Variants in CSMD2 observed in about 807,000 individuals in gnomAD.
CSMD2 encodes the protein CUB and sushi domain-containing protein 2.
In CSMD2, 130 loss-of-function variants were observed where a neutral mutation model predicts 398.5. That is an observed-to-expected ratio of 0.33 (90% CI 0.28 to 0.38). CSMD2 has a LOEUF of 0.38. CSMD2 is among the 10% of genes least tolerant of loss of function. CSMD2 has a pLI of 1.00. For missense variants in CSMD2, 3,829 were observed against 4,764.9 expected (o/e 0.80, Z 5.78); for synonymous variants, 1,828 against 1,908.5 (o/e 0.96, Z 1.10).
At chr1:34,080,146 G>A (rs369321902) in intron 2 of CSMD2, among the ~76,000 whole-genome samples, 27 of 147,414 alleles carry the variant, frequency 1.8e-4, no homozygotes, top group East Asian at 5.9e-4. Flanking sequence ...AAAAAAAGGA[G>A]AGAATAGGGA....
intron 1 of CSMD2, among the ~76,000 whole-genome samples, chr1:34,127,130 G>C (rs896492258): frequency 2.0e-5 from 3 of 152,132 alleles, no homozygotes; most frequent in African/African-American, 4.8e-5. Context: ...GCATGACCCA[G>C]AGTGAGACAC....
chr1:33,996,090 T>G (rs995927710), intron 3 of CSMD2, among the ~76,000 whole-genome samples: 1 of 152,110 alleles, frequency 6.6e-6, no homozygotes. Context: ...GAAAAGAAAT[T>G]CAAATGACCT....
chr1:33,640,867 T>A (rs1036859988), intron 29 of CSMD2, among the ~76,000 whole-genome samples: 1 of 152,146 alleles, frequency 6.6e-6, no homozygotes, highest in Admixed American at 6.5e-5. Flanking sequence ...GTGGTGGGAA[T>A]AGGGGTGGTA....
At chr1:33,897,484 G>T (rs79422758) in intron 5 of CSMD2, among the ~76,000 whole-genome samples, 8,748 of 152,296 alleles carry the variant, frequency 0.057, 269 homozygotes, top group South Asian at 0.12. Context: ...CTTTCCTGGG[G>T]TAAACAAGCT....
intron 27 of CSMD2, among the ~76,000 whole-genome samples, chr1:33,657,008 T>C (rs1283803165): frequency 3.3e-5 from 5 of 152,172 alleles, no homozygotes; most frequent in Admixed American, 3.3e-4. Flanking sequence ...GGTTTGTCTC[T>C]ATCTATTTAC....
rs143573861 is a variant in CSMD2 at position 33,601,381 on chromosome 1, C to A, written c.6711-371G>T. 1.7e-4 allele frequency among the ~76,000 whole-genome samples: 26 copies of A among 152,238 alleles called. No individual in the cohort carries two copies. In the East Asian group the frequency reaches 4.1e-3, roughly 24 times the overall value. ...TGTGAAAACCTGCTGCTATGCATAT[C>A]GGCTCCATGCTCCATTGCCTTGTCT... On this transcript the variant is annotated intron_variant, in intron 43 of 70. Coordinates refer to ENST00000373381, the MANE Select transcript of CSMD2 (RefSeq NM_001281956.2).
intron 3 of CSMD2, among the ~76,000 whole-genome samples, chr1:33,970,590 G>A (rs962536871): frequency 2.6e-5 from 4 of 152,164 alleles, no homozygotes; most frequent in Non-Finnish European, 5.9e-5. Flanking sequence ...ACTCAACAGG[G>A]CAGCTCTCCT....
At chr1:33,605,935 C>G (rs569474676) in intron 41 of CSMD2, 5 of 1,613,822 alleles carry the variant, frequency 3.1e-6, no homozygotes, top group Non-Finnish European at 4.2e-6. Flanking sequence ...CTTTCCAACT[C>G]CGAGAGATCA....
chr1:34,031,599 T>C (rs1650424326), intron 3 of CSMD2, among the ~76,000 whole-genome samples: 2 of 151,966 alleles, frequency 1.3e-5, no homozygotes, highest in Admixed American at 6.6e-5. Flanking sequence ...CCATCTCCCC[T>C]ATACCCCCTG....
intron 5 of CSMD2, chr1:33,864,376 C>G: frequency 6.2e-7 from 1 of 1,614,052 alleles, no homozygotes; most frequent in Non-Finnish European, 8.5e-7. Flanking sequence ...AAATATGAAG[C>G]CCTGGCCAAA....
At chr1:33,787,116 A>G (rs1653626957) in intron 12 of CSMD2, among the ~76,000 whole-genome samples, 1 of 152,224 alleles carries the variant, frequency 6.6e-6, no homozygotes, top group Non-Finnish European at 1.5e-5. Flanking sequence ...GGAGTGATGC[A>G]GCTACAGCCA....
chr1:33,557,653 CACACACAT>C, intron 55 of CSMD2, 73 bp downstream of exon 55: 1 of 1,156,902 alleles, frequency 8.6e-7, no homozygotes, highest in Non-Finnish European at 1.2e-6. Context: ...CACACACACA[CACACACAT>C]GCACAGAGGG....
chr1:33,797,118 T>C (rs1655049026), intron 10 of CSMD2, among the ~76,000 whole-genome samples: 1 of 152,220 alleles, frequency 6.6e-6, no homozygotes, highest in African/African-American at 2.4e-5. Flanking sequence ...AATTTGTCCT[T>C]GTCCTGTTTC....
rs747122842 is a variant in CSMD2 at position 33,700,497 on chromosome 1, C to T, written c.3733+20G>A. The T allele has an allele frequency of 4.3e-6, 7 of 1,613,102 alleles. No homozygotes were observed. The highest frequency in any genetic ancestry group is 1.7e-5 in the Admixed American group (1 of 59,922). On this transcript the variant is annotated intron_variant, in intron 23 of 70. Coordinates refer to ENST00000373381, the MANE Select transcript of CSMD2 (RefSeq NM_001281956.2). Reference sequence around the variant, plus strand: ...GGAAACCCTGACTTCCTTGTCCACACAGATGCAAGAAAGACTTACTGGAAA... The same window carrying T: ...GGAAACCCTGACTTCCTTGTCCACATAGATGCAAGAAAGACTTACTGGAAA...
Position 33,953,437 on chromosome 1 carries a change from G to A in CSMD2, c.518-17483C>T, listed in dbSNP as rs556721069. Reference sequence around the variant, plus strand: ...TGTCTGTCCTGCAGCCTCAACCTGTGCCAACTTGCAACGTTTCCATGATGC... The same window carrying A: ...TGTCTGTCCTGCAGCCTCAACCTGTACCAACTTGCAACGTTTCCATGATGC... On this transcript the variant is annotated intron_variant, in intron 3 of 70. Coordinates refer to ENST00000373381, the MANE Select transcript of CSMD2 (RefSeq NM_001281956.2). Among the ~76,000 whole-genome samples, 58 of 152,288 alleles carry A rather than the reference G, an allele frequency of 3.8e-4. No homozygotes were observed. The East Asian group carries it at 7.0e-3, about 18-fold the overall frequency.
At chr1:34,098,686 AC>A (rs1659652482) in intron 1 of CSMD2, among the ~76,000 whole-genome samples, 1 of 152,078 alleles carries the variant, frequency 6.6e-6, no homozygotes, top group Admixed American at 6.6e-5. Context: ...AAAGAAAAAG[AC>A]TTTTGCTGGA....
intron 25 of CSMD2, among the ~76,000 whole-genome samples, chr1:33,680,518 T>C (rs1470324534): frequency 6.6e-6 from 1 of 152,158 alleles, no homozygotes; most frequent in African/African-American, 2.4e-5. Context: ...ATCTGAGTCT[T>C]GCACTCCGCC....
Position 33,662,975 on chromosome 1 carries a change from G to C in CSMD2, c.4170C>G (p.Asp1390Glu), listed in dbSNP as rs954406400. ...CGACCGAGTTGAAGGTGCTATGCAG[G>C]TCCTTGGGCAGGGCCGGGCCACTCA... ...KELSGPALPK[D>E]LHSTFNSVVL... Residue 1390 changes from aspartate (D) to glutamate (E), a missense_variant, in exon 26 of 71, where the codon GAC becomes GAG. Physicochemically the swap from Asp to Glu is conservative, Grantham distance 45 (BLOSUM62 2). Coordinates refer to ENST00000373381, the MANE Select transcript of CSMD2 (RefSeq NM_001281956.2). 26 of 1,614,148 alleles carry C rather than the reference G, an allele frequency of 1.6e-5. No individual in the cohort carries two copies. Among genetic ancestry groups the C allele is most frequent in the Non-Finnish European group, 2.1e-5 (25 of 1,180,020 alleles).
intron 5 of CSMD2, among the ~76,000 whole-genome samples, chr1:33,895,111 T>G (rs1642290300): frequency 6.6e-6 from 1 of 152,190 alleles, no homozygotes; most frequent in Non-Finnish European, 1.5e-5. Flanking sequence ...GTTACCTACA[T>G]GTTGTATGTT....
Sources: gnomAD v4.1 joint callset for allele counts (sites outside exome capture counted in the v4.1 genomes callset) on GRCh38, gnomAD v4.1.1 for gene constraint, MANE v1.5 for transcripts, NCBI Gene and HGNC (gene_info 2026-07-23, HGNC 2026-07-21) for gene names.